Variants in ZNF532 observed in about 807,000 individuals in gnomAD.
ZNF532 encodes zinc finger protein 532.
A neutral mutation model predicts 89.3 loss-of-function variants in ZNF532; 22 were observed. That is an observed-to-expected ratio of 0.25 (90% CI 0.18 to 0.35). The LOEUF is 0.35. ZNF532 is among the 10% of genes least tolerant of loss of function. The pLI is 1.00. For synonymous variants in ZNF532, 606 were observed against 649.6 expected (o/e 0.93, Z 1.02); for missense variants, 1,132 against 1,643.4 (o/e 0.69, Z 5.38).
chr18:58,966,700 C>T (rs1009950384), intron 7 of ZNF532, among the ~76,000 whole-genome samples: 33 of 150,794 alleles, frequency 2.2e-4, no homozygotes, highest in African/African-American at 7.8e-4. Flanking sequence ...AAATATTAGT[C>T]CACATCTTGT....
intron 2 of ZNF532, among the ~76,000 whole-genome samples, chr18:58,883,958 C>T (rs191769252): frequency 5.9e-5 from 9 of 152,300 alleles, no homozygotes; most frequent in East Asian, 1.9e-4. Context: ...CAGTCAGCCT[C>T]GTGGACCTGT....
chr18:58,929,081 A>G (rs1007797497), intron 3 of ZNF532, among the ~76,000 whole-genome samples: 2 of 152,208 alleles, frequency 1.3e-5, no homozygotes, highest in African/African-American at 4.8e-5. Context: ...TTATTTTACA[A>G]TTGAAAAAAC....
intron 2 of ZNF532, among the ~76,000 whole-genome samples, chr18:58,872,331 C>T (rs1298226915): frequency 6.6e-6 from 1 of 152,108 alleles, no homozygotes; most frequent in African/African-American, 2.4e-5. Context: ...GTTTTCTTAC[C>T]ATCAGCCTTT....
chr18:58,941,959 C>T (rs1280880452), intron 5 of ZNF532, among the ~76,000 whole-genome samples: 11 of 135,460 alleles, frequency 8.1e-5, no homozygotes, highest in African/African-American at 3.0e-4. Context: ...TTCCTCCCTC[C>T]CTCTCTCCCT....
intron 2 of ZNF532, among the ~76,000 whole-genome samples, chr18:58,876,586 G>A (rs1290573154): frequency 2.0e-5 from 3 of 152,176 alleles, no homozygotes. Context: ...GAATGGATCC[G>A]GGGTTTATTC....
At chr18:58,875,588 G>A (rs2144736774) in intron 2 of ZNF532, among the ~76,000 whole-genome samples, 1 of 152,254 alleles carries the variant, frequency 6.6e-6, no homozygotes, top group African/African-American at 2.4e-5. Context: ...AGCCACACTG[G>A]GTTGGTGTTT....
At chr18:58,944,454 T>A (rs760736489) in intron 5 of ZNF532, among the ~76,000 whole-genome samples, 2 of 152,082 alleles carry the variant, frequency 1.3e-5, no homozygotes, top group African/African-American at 2.4e-5. Flanking sequence ...AGGTCCAGAC[T>A]TCCAGGTTTG....
intron 2 of ZNF532, chr18:58,916,613 G>A (rs2060619845): frequency 1.5e-6 from 1 of 663,974 alleles, no homozygotes; most frequent in Non-Finnish European, 1.9e-6. Flanking sequence ...CGAGACAGGT[G>A]TGAATAGAAG....
intron 2 of ZNF532, among the ~76,000 whole-genome samples, chr18:58,882,803 C>G (rs945858330): frequency 2.6e-5 from 4 of 152,202 alleles, no homozygotes; most frequent in African/African-American, 9.7e-5. Flanking sequence ...ATATCTCATC[C>G]TGAAAGATTC....
chr18:58,961,596 G>GAAT (rs140339809), intron 7 of ZNF532, among the ~76,000 whole-genome samples: 3,632 of 152,314 alleles, frequency 0.024, 94 homozygotes, highest in African/African-American at 0.067. Context: ...AAAGGGGAGG[G>GAAT]AATGACAAGT....
At position 58,979,082 on chromosome 18, in the gene ZNF532, T is replaced by C. The variant is rs2067395213; in HGVS notation, c.3178T>C (p.Cys1060Arg). 1.9e-6 allele frequency: 3 copies of C among 1,612,238 alleles called. No homozygotes were observed. The highest frequency in any genetic ancestry group is 2.5e-6 in the Non-Finnish European group (3 of 1,178,438). ...KQMKKHPCRQ[C>R]DKSFSSSHSL... Reference sequence around the variant, plus strand: ...AATGAAGAAACACCCCTGCCGCCAGTGTGACAAGTCTTTCAGCTCGTCCCA... The same window carrying C: ...AATGAAGAAACACCCCTGCCGCCAGCGTGACAAGTCTTTCAGCTCGTCCCA... The change falls in exon 8 of 10, where the codon TGT (cysteine) becomes CGT (arginine). Residue 1060 changes from cysteine to arginine, a missense_variant. Physicochemically the swap from Cys to Arg is radical, Grantham distance 180 (BLOSUM62 -3). Around this residue, in one of 9 missense-constraint regions of ZNF532, gnomAD observed 415 missense variants for 604.8 expected, o/e 0.69. Coordinates refer to ENST00000591808, the MANE Select transcript of ZNF532 (RefSeq NM_001375912.1).
At chr18:58,871,231 T>G (rs2056955022) in intron 2 of ZNF532, among the ~76,000 whole-genome samples, 1 of 152,124 alleles carries the variant, frequency 6.6e-6, no homozygotes, top group Non-Finnish European at 1.5e-5. Flanking sequence ...ATCCCATTTT[T>G]CTGATTTTTA....
At chr18:58,966,574 C>T (rs1276700056) in intron 7 of ZNF532, among the ~76,000 whole-genome samples, 3 of 152,040 alleles carry the variant, frequency 2.0e-5, no homozygotes, top group Admixed American at 6.6e-5. Flanking sequence ...AAATGACAAA[C>T]GACCAGATTC....
At chr18:58,917,496 T>C (rs1178739078) in intron 2 of ZNF532, among the ~76,000 whole-genome samples, 1 of 152,162 alleles carries the variant, frequency 6.6e-6, no homozygotes, top group Non-Finnish European at 1.5e-5. Context: ...GACAATCACT[T>C]GTCCTCTGCG....
rs550204174 is a variant in ZNF532, at chr18:58,976,813, G to A, written c.3151-2242G>A. Among the ~76,000 whole-genome samples the A allele has an allele frequency of 3.9e-5, 6 of 152,292 alleles. No individual in the cohort carries two copies. In the South Asian group the frequency reaches 1.2e-3, roughly 32 times the overall value. On this transcript the variant is annotated intron_variant, in intron 7 of 9. Coordinates refer to ENST00000591808, the MANE Select transcript of ZNF532 (RefSeq NM_001375912.1). ...TTACAGGCGTGAGCCACTGCGCCCA[G>A]CCTCAGTTGATTTTTATATGTAGAA...
intron 7 of ZNF532, among the ~76,000 whole-genome samples, chr18:58,960,377 G>T (rs192576476): frequency 2.3e-4 from 35 of 152,318 alleles, no homozygotes; most frequent in Admixed American, 1.7e-3. Context: ...TGGGGTGAAA[G>T]GAGATTGCAA....
chr18:58,967,022 A>G (rs1228354886), intron 7 of ZNF532, among the ~76,000 whole-genome samples: 1 of 152,202 alleles, frequency 6.6e-6, no homozygotes, highest in Non-Finnish European at 1.5e-5. Context: ...CCCACTGGAT[A>G]TTAAGTATAA....
At chr18:58,959,688 A>G (rs944731690) in intron 7 of ZNF532, among the ~76,000 whole-genome samples, 1 of 152,192 alleles carries the variant, frequency 6.6e-6, no homozygotes, top group African/African-American at 2.4e-5. Context: ...AACAACCACC[A>G]TCTTCCAGCG....
intron 3 of ZNF532, among the ~76,000 whole-genome samples, chr18:58,922,468 C>A (rs1036671210): frequency 1.3e-5 from 2 of 152,158 alleles, no homozygotes; most frequent in African/African-American, 4.8e-5. Flanking sequence ...TTAAATGTTT[C>A]ATTGGCTCTG....
Sources: gnomAD v4.1 joint callset for allele counts (sites outside exome capture counted in the v4.1 genomes callset) on GRCh38, gnomAD v4.1.1 for gene constraint, gnomAD v4.1.1 regional missense constraint, MANE v1.5 for transcripts, NCBI Gene and HGNC (gene_info 2026-07-23, HGNC 2026-07-21) for gene names.